CEACAM8: variants seen among roughly 807,000 people sequenced by gnomAD.
The protein encoded by CEACAM8 is CEA cell adhesion molecule 8.
CEACAM8 carries 31 observed loss-of-function variants against 33.4 expected under a neutral mutation model. That is an observed-to-expected ratio of 0.93 (90% CI 0.70 to 1.25). The LOEUF (loss-of-function observed/expected upper bound fraction) is 1.25. Among genes scored for constraint, CEACAM8 ranks in the 50% most tolerant of loss-of-function variants. The pLI, the probability that CEACAM8 is intolerant of heterozygous loss-of-function variation, is 0.00. For missense variants in CEACAM8, 388 were observed against 434.6 expected, an observed-to-expected ratio of 0.89 and a Z score of 0.95; for synonymous variants, 138 against 164.5, an observed-to-expected ratio of 0.84 and a Z score of 1.23.
chr19:42,589,502 G>T lies in CEACAM8; in HGVS notation c.658C>A (p.Pro220Thr). Residue 220 changes from proline to threonine, a missense_variant, in exon 3 of 6, where the codon CCA becomes ACA. Physicochemically the swap from Pro to Thr is conservative, Grantham distance 38. Transcript: ENST00000244336. ...GGGTCACTGAAGTTTGCACTCGCTG[G>T]GTTCTGTATTTCACATTCATAGGGT... is the stretch of plus-strand genomic sequence containing the variant. ...VGPYECEIQNPASANFSDPVT... is the reference protein window; with the variant it reads ...VGPYECEIQNTASANFSDPVT... 6.2e-7 allele frequency: 1 copy of T among 1,614,214 alleles called. No homozygotes were observed. Among genetic ancestry groups the T allele is most frequent in the Non-Finnish European group, 8.5e-7 (1 of 1,180,038 alleles).
chr19:42,594,744 C>T, intron 1 of CEACAM8, 21 bp downstream of exon 1: 1 of 1,597,696 alleles, frequency 6.3e-7, no homozygotes, highest in South Asian at 1.1e-5. Flanking sequence ...CCTGTCCTTT[C>T]CCAGGAAGTC....
intron 2 of CEACAM8, among the ~76,000 whole-genome samples, chr19:42,592,597 CAAAAAA>C (rs922130468): frequency 2.4e-5 from 1 of 41,884 alleles, no homozygotes; most frequent in African/African-American, 8.7e-5. Flanking sequence ...GACTCCGTCT[CAAAAAA>C]AAAAAAAAAA....
chr19:42,589,857 TG>T lies in CEACAM8; in HGVS notation c.425-123del, dbSNP rs770480747. 1,301 of 1,547,620 alleles carry T rather than the reference TG, an allele frequency of 8.4e-4. 11 individuals carry two copies. The highest frequency in any genetic ancestry group is 2.9e-4 in the Admixed American group (16 of 56,062). On this transcript the variant is annotated intron_variant, in intron 2 of 5. Coordinates refer to ENST00000244336, the MANE Select transcript of CEACAM8 (RefSeq NM_001816.4). Reference sequence around the variant, plus strand: ...TACTCGAGTCCTTAAAAGCCCACGGTGGGTGTGTGTGTCACAAGACAGATGC... The same window carrying T: ...TACTCGAGTCCTTAAAAGCCCACGGTGGTGTGTGTGTCACAAGACAGATGC...
Position 42,585,779 on chromosome 19 carries a change from A to G in CEACAM8, c.959-2442T>C, listed in dbSNP as rs747603384. ...GGCAAGAAAAAAAGAAGACTTTCAGATTGGAAAGAAGAAGTAAAATTATCT... is the reference window on the plus strand; with the variant it reads ...GGCAAGAAAAAAAGAAGACTTTCAGGTTGGAAAGAAGAAGTAAAATTATCT... On this transcript the variant is annotated intron_variant, in intron 4 of 5. Transcript: ENST00000244336. 4.7e-4 allele frequency among the ~76,000 whole-genome samples: 72 copies of G among 152,192 alleles called. 1 individual carries two copies. Among genetic ancestry groups the G allele is most frequent in the Non-Finnish European group, 1.5e-4 (10 of 68,034 alleles).
At chr19:42,591,510 C>T (rs1380251077) in intron 2 of CEACAM8, among the ~76,000 whole-genome samples, 2 of 152,160 alleles carry the variant, frequency 1.3e-5, no homozygotes, top group Non-Finnish European at 2.9e-5. Flanking sequence ...GCTTCCTGCC[C>T]CTAATTCCTA....
Position 42,593,540 on chromosome 19 carries a change from C to T in CEACAM8, c.424+1G>A, listed in dbSNP as rs199757751. 206 of 1,556,482 alleles carry T rather than the reference C, an allele frequency of 1.3e-4. No individual in the cohort carries two copies. Among genetic ancestry groups the T allele is most frequent in the Non-Finnish European group, 1.6e-4 (187 of 1,149,470 alleles). ...CCCAGAGGTCATGGGGAATCACTCA[C>T]GATGTACGCTGAACTGGCCAGTTAC... On this transcript the variant is annotated splice_donor_variant, in intron 2 of 5. Transcript: ENST00000244336. LOFTEE classifies it high-confidence loss of function.
chr19:42,589,043 A>G lies in CEACAM8; in HGVS notation c.704-5T>C. The G allele has an allele frequency of 6.8e-6, 11 of 1,610,300 alleles. No individual in the cohort carries two copies. The highest frequency in any genetic ancestry group is 9.3e-6 in the Non-Finnish European group (11 of 1,177,342). On this transcript the variant is annotated splice_region_variant and splice_polypyrimidine_tract_variant and intron_variant, in intron 3 of 5. Transcript: ENST00000244336. Reference sequence around the variant, plus strand: ...TGGTGGGGGCATCTGGGCCATCTAGAGCAAAAGAATAAAGTCACAGGTGAT... The same window carrying G: ...TGGTGGGGGCATCTGGGCCATCTAGGGCAAAAGAATAAAGTCACAGGTGAT...
intron 2 of CEACAM8, among the ~76,000 whole-genome samples, chr19:42,590,034 T>G (rs8110553): frequency 0.01 from 1,578 of 152,320 alleles, 35 homozygotes; most frequent in African/African-American, 0.035. Context: ...GGTCCCTCCC[T>G]GACCGGCTGC....
intron 5 of CEACAM8, among the ~76,000 whole-genome samples, chr19:42,582,476 G>T (rs45495900): frequency 6.6e-6 from 1 of 152,158 alleles, no homozygotes; most frequent in Non-Finnish European, 1.5e-5. Flanking sequence ...TCAACCACAC[G>T]TAGGCTGTGT....
intron 5 of CEACAM8, among the ~76,000 whole-genome samples, chr19:42,581,888 CAAAAAAAAAAAAAAAAA>C (rs71298757): frequency 7.2e-5 from 1 of 13,884 alleles, no homozygotes; most frequent in Non-Finnish European, 1.4e-4. Flanking sequence ...GACTCCGTCT[CAAAAAAAAAAAAAAAAA>C]AAAAAAAAAA....
intron 4 of CEACAM8, among the ~76,000 whole-genome samples, chr19:42,586,873 A>G (rs1398455061): frequency 6.6e-6 from 1 of 152,222 alleles, no homozygotes; most frequent in Admixed American, 6.5e-5. Context: ...AAGAACTACT[A>G]CAAATCCACA....
At chr19:42,581,946 T>TATA (rs765190705) in intron 5 of CEACAM8, among the ~76,000 whole-genome samples, 1 of 84,074 alleles carries the variant, frequency 1.2e-5, no homozygotes, top group East Asian at 3.1e-4. Flanking sequence ...TATATATATA[T>TATA]AAAATAAGGT....
In CEACAM8 at chr19:42,593,696, G is replaced by C. The variant is rs746618779; in HGVS notation, c.269C>G (p.Thr90Ser). 6.2e-7 allele frequency: 1 copy of C among 1,614,122 alleles called. No homozygotes were observed. Among genetic ancestry groups the C allele is most frequent in the Admixed American group, 1.7e-5 (1 of 60,030 alleles). Residue 90 changes from threonine (T) to serine (S), a missense_variant, in exon 2 of 6, where the codon ACC becomes AGC. Thr to Ser is a moderately conservative substitution (Grantham distance 58, BLOSUM62 1). Coordinates refer to ENST00000244336, the MANE Select transcript of CEACAM8 (RefSeq NM_001816.4). ...TCGATTGCTGTATGCAGGCCCTGGGGTAATCTGTTGATTTGATATTACATA... is the reference window on the plus strand; with the variant it reads ...TCGATTGCTGTATGCAGGCCCTGGGCTAATCTGTTGATTTGATATTACATA... ...IGYVISNQQI[T>S]PGPAYSNRET...
chr19:42,590,790 G>GAGTT (rs1467951151), intron 2 of CEACAM8, among the ~76,000 whole-genome samples: 1 of 152,178 alleles, frequency 6.6e-6, no homozygotes, highest in East Asian at 1.9e-4. Context: ...GGGGAATGGA[G>GAGTT]AGTTGTTCAT....
At position 42,583,260 on chromosome 19, in the gene CEACAM8, C is replaced by T. The variant is rs2042283951; in HGVS notation, c.1036G>A (p.Val346Met). Residue 346 changes from valine to methionine, a missense_variant, in exon 5 of 6, where the codon GTG becomes ATG. Val to Met is a conservative substitution (Grantham distance 21, BLOSUM62 1). Coordinates refer to ENST00000244336, the MANE Select transcript of CEACAM8 (RefSeq NM_001816.4). ...CACCAGAGCTACTATATCAGAGCCACCCTGGCCAGTACTCCAATCATGATG... is the reference window on the plus strand; with the variant it reads ...CACCAGAGCTACTATATCAGAGCCATCCTGGCCAGTACTCCAATCATGATG... ...VSIMIGVLAR[V>M]ALI 2 of 1,611,048 alleles carry T rather than the reference C, an allele frequency of 1.2e-6. No individual in the cohort carries two copies. The highest frequency in any genetic ancestry group is 1.7e-5 in the Admixed American group (1 of 59,838).
Position 42,593,753 on chromosome 19 carries a change from T to TC in CEACAM8, c.211dup (p.Glu71GlyfsTer46). On this transcript the variant is annotated frameshift_variant, in exon 2 of 6. Transcript: ENST00000244336. LOFTEE classifies it high-confidence loss of function. ...AATTCGACGGTTGGCATCCACTGTTTCCCCTTTGTACCAGTTGTAGCCACG... is the reference window on the plus strand; with the variant it reads ...AATTCGACGGTTGGCATCCACTGTTTCCCCCTTTGTACCAGTTGTAGCCACG... The TC allele has an allele frequency of 6.2e-7, 1 of 1,614,064 alleles. No individual in the cohort carries two copies. The highest frequency in any genetic ancestry group is 8.5e-7 in the Non-Finnish European group (1 of 1,180,006).
At chr19:42,589,334 TG>T in intron 3 of CEACAM8, 122 bp downstream of exon 3, 1 of 1,457,602 alleles carries the variant, frequency 6.9e-7, no homozygotes, top group Non-Finnish European at 9.5e-7. Flanking sequence ...CATGACGAGC[TG>T]GGTTTCTAGG....
chr19:42,581,982 T>C (rs1278786227), intron 5 of CEACAM8, among the ~76,000 whole-genome samples: 2 of 140,724 alleles, frequency 1.4e-5, no homozygotes, highest in African/African-American at 5.4e-5. Context: ...CTTCTGTTTC[T>C]CAACTGGATT....
chr19:42,591,361 C>T (rs1260524807), intron 2 of CEACAM8, among the ~76,000 whole-genome samples: 2 of 152,148 alleles, frequency 1.3e-5, no homozygotes, highest in African/African-American at 4.8e-5. Context: ...TAGCAACTCC[C>T]AGGTAGAGGG....
Sources: allele counts gnomAD v4.1 joint callset (sites outside exome capture counted in the v4.1 genomes callset), GRCh38; gene constraint gnomAD v4.1.1; transcripts MANE v1.5; gene names NCBI Gene and HGNC (gene_info 2026-07-23, HGNC 2026-07-21).